The following TRIO variants were observed in gnomAD, a reference collection of about 807,000 sequenced individuals.
The protein encoded by TRIO is trio Rho guanine nucleotide exchange factor.
Under a neutral mutation model 351.9 loss-of-function variants are expected in TRIO, and 58 were observed. That is an observed-to-expected ratio of 0.16 (90% CI 0.13 to 0.21). The LOEUF (loss-of-function observed/expected upper bound fraction) is 0.21, where lower values mean the gene tolerates loss of function less well. Among genes scored for constraint, TRIO ranks in the 10% least tolerant of loss-of-function variants. The pLI is 1.00. For missense variants in TRIO, 3,201 were observed against 4,027.8 expected (o/e 0.79, Z 5.56); for synonymous variants, 1,758 against 1,595.7 (o/e 1.10, Z -2.42).
intron 1 of TRIO, among the ~76,000 whole-genome samples, chr5:14,160,940 T>C (rs1046047103): frequency 6.6e-6 from 1 of 152,192 alleles, no homozygotes; most frequent in Admixed American, 6.5e-5. Context: ...AGATGGAGTC[T>C]TGCTCTGTCG....
At chr5:14,225,588 A>G (rs560787794) in intron 1 of TRIO, among the ~76,000 whole-genome samples, 69 of 152,282 alleles carry the variant, frequency 4.5e-4, no homozygotes, top group African/African-American at 1.6e-3. Context: ...GGCCACTCTC[A>G]GGTCCTTGCC....
At chr5:14,346,479 C>T (rs1386200182) in intron 11 of TRIO, among the ~76,000 whole-genome samples, 1 of 152,180 alleles carries the variant, frequency 6.6e-6, no homozygotes, top group Non-Finnish European at 1.5e-5. Flanking sequence ...CATATCAGTC[C>T]AAGCAACTGT....
intron 34 of TRIO, among the ~76,000 whole-genome samples, chr5:14,427,307 T>C (rs1284858568): frequency 2.0e-5 from 3 of 152,014 alleles, no homozygotes; most frequent in African/African-American, 7.3e-5. Context: ...GGAGGCCAGG[T>C]CTCTCCCCTT....
chr5:14,406,201 T>G (rs1579563407), intron 32 of TRIO: 1 of 724,062 alleles, frequency 1.4e-6, no homozygotes, highest in African/African-American at 1.8e-5. Flanking sequence ...AAGGGCTGTG[T>G]GCAAACCTCT....
At chr5:14,397,298 G>T in intron 29 of TRIO, 144 bp downstream of exon 29, 1 of 666,346 alleles carries the variant, frequency 1.5e-6, no homozygotes, top group South Asian at 2.0e-5. Context: ...CAGTGTCATT[G>T]CTTTTCTTGA....
chr5:14,223,010 T>C (rs1039835570), intron 1 of TRIO, among the ~76,000 whole-genome samples: 2 of 152,220 alleles, frequency 1.3e-5, no homozygotes, highest in South Asian at 4.1e-4. Flanking sequence ...ATCCTGGGCA[T>C]GAAGCCTTTT....
chr5:14,217,476 T>A lies in TRIO; in HGVS notation c.158-53349T>A, dbSNP rs530014922. ...TCGTGCTGTCCCCCACGAACCCAGG[T>A]ATGAAGTATACAGAAGGTGGGGAAT... On this transcript the variant is annotated intron_variant, in intron 1 of 56. Coordinates refer to ENST00000344204, the MANE Select transcript of TRIO (RefSeq NM_007118.4). Among the ~76,000 whole-genome samples the A allele has an allele frequency of 2.0e-5, 3 of 152,144 alleles. No homozygotes were observed. The South Asian group carries it at 6.2e-4, about 32-fold the overall frequency.
chr5:14,348,702 A>G (rs113548980), intron 11 of TRIO, among the ~76,000 whole-genome samples: 3 of 137,382 alleles, frequency 2.2e-5, no homozygotes, highest in South Asian at 2.3e-4. Flanking sequence ...TTTTTCCTGC[A>G]TGTTTATGTG....
intron 38 of TRIO, 57 bp from the exon 39 acceptor site, chr5:14,472,535 A>G: frequency 6.3e-7 from 1 of 1,589,518 alleles, no homozygotes; most frequent in African/African-American, 1.3e-5. Flanking sequence ...GAGCAAAGGT[A>G]CAAAAAAATT....
chr5:14,167,163 T>C (rs2152123146), intron 1 of TRIO, among the ~76,000 whole-genome samples: 3 of 151,316 alleles, frequency 2.0e-5, no homozygotes, highest in East Asian at 3.9e-4. Flanking sequence ...TAGTTGCCTC[T>C]GGTGTTTCTA....
chr5:14,199,153 T>C (rs369514516), intron 1 of TRIO, among the ~76,000 whole-genome samples: 2 of 130,786 alleles, frequency 1.5e-5, no homozygotes, highest in East Asian at 2.4e-4. Flanking sequence ...GGGAGAATTG[T>C]TTGAACCTGC....
At chr5:14,169,529 T>A (rs1198778326) in intron 1 of TRIO, among the ~76,000 whole-genome samples, 2 of 152,226 alleles carry the variant, frequency 1.3e-5, no homozygotes, top group African/African-American at 2.4e-5. Context: ...AGACGTTGGT[T>A]TCTCTTGTGA....
At chr5:14,165,549 T>C (rs1050798382) in intron 1 of TRIO, among the ~76,000 whole-genome samples, 8 of 152,210 alleles carry the variant, frequency 5.3e-5, no homozygotes, top group African/African-American at 1.9e-4. Flanking sequence ...TTTGCTGTTG[T>C]GAATAGTGCA....
chr5:14,270,973 C>A, intron 2 of TRIO, 74 bp downstream of exon 2: 1 of 1,018,186 alleles, frequency 9.8e-7, no homozygotes, highest in Non-Finnish European at 1.5e-6. Flanking sequence ...AATAAATGAA[C>A]TCACCTGCCA....
At chr5:14,471,579 G>A (rs2126552470) in intron 38 of TRIO, 113 bp downstream of exon 38, 1 of 1,416,372 alleles carries the variant, frequency 7.1e-7, no homozygotes, top group Non-Finnish European at 9.6e-7. Context: ...GAAGCTCCAG[G>A]GCCTCTCATT....
intron 34 of TRIO, among the ~76,000 whole-genome samples, chr5:14,431,825 G>C (rs1480791760): frequency 1.3e-5 from 2 of 152,194 alleles, no homozygotes; most frequent in Admixed American, 1.3e-4. Context: ...TTCCTCTGGG[G>C]CCTCTGTCCT....
intron 1 of TRIO, among the ~76,000 whole-genome samples, chr5:14,207,208 T>C (rs1367956673): frequency 6.6e-6 from 1 of 151,244 alleles, no homozygotes; most frequent in African/African-American, 2.4e-5. Context: ...GGTGGGAGGT[T>C]GGCTTGAGGC....
chr5:14,446,519 A>G (rs551597394), intron 34 of TRIO, among the ~76,000 whole-genome samples: 38 of 152,148 alleles, frequency 2.5e-4, no homozygotes, highest in Non-Finnish European at 4.1e-4. Flanking sequence ...GGGGGACAAG[A>G]TGTCATAAAA....
At chr5:14,278,988 G>A (rs1735768151) in intron 2 of TRIO, among the ~76,000 whole-genome samples, 1 of 152,140 alleles carries the variant, frequency 6.6e-6, no homozygotes, top group Non-Finnish European at 1.5e-5. Context: ...AGCTTTTGGA[G>A]CCTCAGTATC....
Sources: allele counts gnomAD v4.1 joint callset (sites outside exome capture counted in the v4.1 genomes callset), GRCh38; gene constraint gnomAD v4.1.1; transcripts MANE v1.5; gene names NCBI Gene and HGNC (gene_info 2026-07-23, HGNC 2026-07-21).